VAV1: variants seen among roughly 807,000 people sequenced by gnomAD.
VAV1 encodes proto-oncogene vav.
VAV1 carries 33 observed loss-of-function variants against 128.1 expected under a neutral mutation model. The observed-to-expected ratio is 0.26, with a 90% CI of 0.20 to 0.34. The LOEUF is 0.34. Ranked by LOEUF, VAV1 falls within the 10% of genes least tolerant of loss-of-function variation. The pLI is 1.00. For missense variants in VAV1, 715 were observed against 1,093.7 expected (o/e 0.65, Z 4.88); for synonymous variants, 394 against 409.8 (o/e 0.96, Z 0.47).
intron 1 of VAV1, among the ~76,000 whole-genome samples, chr19:6,776,919 G>C (rs1000214423): frequency 6.6e-6 from 1 of 151,946 alleles, no homozygotes; most frequent in African/African-American, 2.4e-5. Flanking sequence ...CACCACGCCC[G>C]GCTAATTTTA....
Position 6,833,265 on chromosome 19 carries a change from G to A in VAV1, c.1590G>A (p.Lys530=), listed in dbSNP as rs754720635. The A allele has an allele frequency of 1.9e-6, 3 of 1,612,878 alleles. No individual in the cohort carries two copies. The highest frequency in any genetic ancestry group is 2.5e-6 in the Non-Finnish European group (3 of 1,179,700). ...MFSFEETTSC[K]ACQMLLRGTF... ...CCTTTGAGGAGACCACATCCTGCAA[G>A]GCCTGTCAGATGCTGCTTAGGTGAG... The change falls in exon 16 of 27, where the codon AAG becomes AAA. Residue 530 remains lysine (K), a synonymous_variant. Coordinates refer to ENST00000602142, the MANE Select transcript of VAV1 (RefSeq NM_005428.4).
intron 23 of VAV1, among the ~76,000 whole-genome samples, chr19:6,849,034 A>T (rs1200303986): frequency 6.6e-6 from 1 of 151,524 alleles, no homozygotes; most frequent in Non-Finnish European, 1.5e-5. Context: ...ACCTTCAAAC[A>T]TCCTCCCACC....
At chr19:6,832,894 G>A (rs944986366) in intron 15 of VAV1, among the ~76,000 whole-genome samples, 3 of 152,118 alleles carry the variant, frequency 2.0e-5, no homozygotes, top group African/African-American at 7.2e-5. Context: ...CCTCTATCCA[G>A]TTTCAAAACC....
At chr19:6,786,525 G>T (rs1045500330) in intron 1 of VAV1, among the ~76,000 whole-genome samples, 1 of 152,142 alleles carries the variant, frequency 6.6e-6, no homozygotes, top group Non-Finnish European at 1.5e-5. Context: ...GCTCACGCCT[G>T]TAATCTTAAG....
rs150696392 is a variant in VAV1 at position 6,812,026 on chromosome 19, T to C, written c.205-8676T>C. Reference sequence around the variant, plus strand: ...TAATTTCTCCTTAAATACAGTGCCCTGAAAGTGATGCTTATGACAAATGCT... The same window carrying C: ...TAATTTCTCCTTAAATACAGTGCCCCGAAAGTGATGCTTATGACAAATGCT... On this transcript the variant is annotated intron_variant, in intron 1 of 26. Coordinates refer to ENST00000602142, the MANE Select transcript of VAV1 (RefSeq NM_005428.4). Among the ~76,000 whole-genome samples, 901 of 152,280 alleles carry C rather than the reference T, an allele frequency of 5.9e-3. 9 individuals are homozygous for C. Among genetic ancestry groups the C allele is most frequent in the African/African-American group, 0.02 (840 of 41,554 alleles).
intron 1 of VAV1, among the ~76,000 whole-genome samples, chr19:6,818,566 C>T (rs1036752072): frequency 4.6e-5 from 7 of 152,078 alleles, no homozygotes; most frequent in African/African-American, 1.7e-4. Flanking sequence ...AACTGTGTCC[C>T]CCCAAAATTT....
intron 20 of VAV1, 129 bp downstream of exon 20, chr19:6,836,697 A>T (rs1972230398): frequency 7.1e-7 from 1 of 1,402,638 alleles, no homozygotes; most frequent in African/African-American, 1.4e-5. Flanking sequence ...TGGGGTAGGT[A>T]GACTGAGACT....
At position 6,854,006 on chromosome 19, in the gene VAV1, C is replaced by T. The variant is rs1478549387; in HGVS notation, c.2392C>T (p.Arg798Ter). ...KARYDFCARD[R>*]SELSLKEGDI... ...CCGCTATGACTTCTGCGCCCGAGAC[C>T]GATCAGAGCTGTCGCTCAAGGAGGG... The change falls in exon 26 of 27, where the codon CGA becomes TGA. Residue 798 changes from arginine to a stop codon, truncating the protein, a stop_gained. Coordinates refer to ENST00000602142, the MANE Select transcript of VAV1 (RefSeq NM_005428.4). LOFTEE classifies it high-confidence loss of function. 2.5e-6 allele frequency: 4 copies of T among 1,613,888 alleles called. No individual in the cohort carries two copies. The highest frequency in any genetic ancestry group is 1.7e-6 in the Non-Finnish European group (2 of 1,180,034).
rs557367864 is a variant in VAV1 at position 6,808,585 on chromosome 19, C to T, written c.205-12117C>T. Among the ~76,000 whole-genome samples, 32 of 152,284 alleles carry T rather than the reference C, an allele frequency of 2.1e-4. 1 individual carries two copies. The South Asian group carries it at 6.6e-3, about 32-fold the overall frequency. ...CTGTTCTTCCGCCACCTGTGAATTT[C>T]CTTTGTCCTCAGTTTCCAAGAATAC... is the stretch of plus-strand genomic sequence containing the variant. On this transcript the variant is annotated intron_variant, in intron 1 of 26. Coordinates refer to ENST00000602142, the MANE Select transcript of VAV1 (RefSeq NM_005428.4).
intron 1 of VAV1, among the ~76,000 whole-genome samples, chr19:6,804,275 ATTC>A (rs1599638195): frequency 6.6e-6 from 1 of 151,636 alleles, no homozygotes; most frequent in East Asian, 1.9e-4. Flanking sequence ...TAAGGAAAGA[ATTC>A]AAGGGTGATT....
intron 1 of VAV1, among the ~76,000 whole-genome samples, chr19:6,814,687 T>TC (rs1971596504): frequency 3.8e-5 from 4 of 105,266 alleles, no homozygotes; most frequent in African/African-American, 2.1e-4. Context: ...TTTCTTTCTT[T>TC]CTTTCTTTCT....
chr19:6,814,958 T>C (rs1201774368), intron 1 of VAV1, among the ~76,000 whole-genome samples: 4 of 151,792 alleles, frequency 2.6e-5, no homozygotes. Flanking sequence ...TTTTTCCCCC[T>C]CTTTCTTTTG....
chr19:6,807,599 C>T (rs1333974908), intron 1 of VAV1, among the ~76,000 whole-genome samples: 2 of 152,006 alleles, frequency 1.3e-5, no homozygotes, highest in Admixed American at 6.6e-5. Flanking sequence ...GTACTGGGAG[C>T]TACTCTGGAG....
chr19:6,832,756 T>C (rs1267259893), intron 15 of VAV1, among the ~76,000 whole-genome samples: 1 of 151,914 alleles, frequency 6.6e-6, no homozygotes, highest in East Asian at 1.9e-4. Context: ...CCCCTCTTCC[T>C]CCTCTTCCAC....
At chr19:6,832,647 CCCT>C (rs1568309755) in intron 15 of VAV1, among the ~76,000 whole-genome samples, 3 of 133,826 alleles carry the variant, frequency 2.2e-5, no homozygotes, top group Non-Finnish European at 4.6e-5. Flanking sequence ...CCCTTTCCTC[CCCT>C]TCTTCCTCCT....
chr19:6,832,194 T>A lies in VAV1; in HGVS notation c.1502T>A (p.Met501Lys), dbSNP rs1242168799. Residue 501 changes from methionine to lysine, a missense_variant, in exon 15 of 27, where the codon ATG (methionine) becomes AAG (lysine). Physicochemically the swap from Met to Lys is moderately conservative, Grantham distance 95 (BLOSUM62 -1). This residue lies in a region of VAV1 where 407 missense variants were observed against 580.6 expected (regional missense o/e 0.70). Coordinates refer to ENST00000602142, the MANE Select transcript of VAV1 (RefSeq NM_005428.4). ...LKKKWMEQFE[M>K]AISNIYPENA... ...AAGAAGTGGATGGAGCAGTTTGAGA[T>A]GGCCATGTGAGTCCCCGTCTTCCTC... is the stretch of plus-strand genomic sequence containing the variant. The A allele has an allele frequency of 6.2e-7, 1 of 1,613,920 alleles. No individual in the cohort carries two copies. The highest frequency in any genetic ancestry group is 1.3e-5 in the African/African-American group (1 of 74,912).
intron 22 of VAV1, 82 bp downstream of exon 22, chr19:6,843,248 C>A (rs573971943): frequency 4.0e-6 from 6 of 1,490,012 alleles, no homozygotes; most frequent in African/African-American, 1.4e-5. Flanking sequence ...AACCTCCGAG[C>A]CAATTAGTTA....
chr19:6,833,303 G>A lies in VAV1; in HGVS notation c.1610+18G>A. On this transcript the variant is annotated intron_variant, in intron 16 of 26. Coordinates refer to ENST00000602142, the MANE Select transcript of VAV1 (RefSeq NM_005428.4). Reference sequence around the variant, plus strand: ...CTGCTTAGGTGAGAATCTGGGAGGAGGGTCCTGCATACCGGACTTGGTCAT... The same window carrying A: ...CTGCTTAGGTGAGAATCTGGGAGGAAGGTCCTGCATACCGGACTTGGTCAT... The A allele has an allele frequency of 1.2e-6, 2 of 1,602,330 alleles. No homozygotes were observed. The highest frequency in any genetic ancestry group is 4.5e-5 in the East Asian group (2 of 44,810).
chr19:6,812,840 A>G (rs1444369042), intron 1 of VAV1, among the ~76,000 whole-genome samples: 1 of 152,068 alleles, frequency 6.6e-6, no homozygotes, highest in African/African-American at 2.4e-5. Context: ...AATGATGATG[A>G]TGATGATGAT....
Sources: allele counts gnomAD v4.1 joint callset (sites outside exome capture counted in the v4.1 genomes callset), GRCh38; gene constraint gnomAD v4.1.1; regional missense constraint gnomAD v4.1.1; transcripts MANE v1.5; gene names NCBI Gene and HGNC (gene_info 2026-07-23, HGNC 2026-07-21).